The following ASB3 variants were observed in gnomAD, a reference collection of about 807,000 sequenced individuals.
ASB3 encodes ankyrin repeat and SOCS box containing 3, also known as ankyrin repeat and SOCS box protein 3.
A neutral mutation model predicts 54.5 loss-of-function variants in ASB3; 41 were observed. That is an observed-to-expected ratio of 0.75 (90% CI 0.59 to 0.98). The LOEUF (loss-of-function observed/expected upper bound fraction) is 0.98. ASB3 is among the 50% of genes least tolerant of loss of function. ASB3 has a pLI of 0.00. For synonymous variants in ASB3, 266 were observed against 221.2 expected (o/e 1.20, Z -1.80); for missense variants, 733 against 620.0 (o/e 1.18, Z -1.94).
intron 1 of ASB3, among the ~76,000 whole-genome samples, chr2:53,773,747 A>C (rs1674117049): frequency 6.6e-6 from 1 of 151,432 alleles, no homozygotes; most frequent in Non-Finnish European, 1.5e-5. Flanking sequence ...AAAATATACA[A>C]GATACAGGCA....
At chr2:53,759,919 T>C (rs1197278396) in intron 2 of ASB3, among the ~76,000 whole-genome samples, 1 of 152,090 alleles carries the variant, frequency 6.6e-6, no homozygotes, top group East Asian at 1.9e-4. Context: ...TGCTTGATCA[T>C]TGAGGGCCAG....
chr2:53,716,532 G>C, intron 6 of ASB3, 34 bp downstream of exon 6: 1 of 1,595,622 alleles, frequency 6.3e-7, no homozygotes, highest in Non-Finnish European at 8.6e-7. Flanking sequence ...TTTTGATTAA[G>C]AGACCATGTT....
Position 53,670,473 on chromosome 2 carries a change from A to T in ASB3, c.*30T>A, listed in dbSNP as rs1309689748. 2.8e-5 allele frequency: 44 copies of T among 1,595,672 alleles called. No individual in the cohort carries two copies. Among genetic ancestry groups the T allele is most frequent in the Non-Finnish European group, 3.7e-5 (43 of 1,175,248 alleles). ...TGTCTCGATGATTTTTCAGAGAAAA[A>T]AATTAGCTGTGTTAAGTAGTTTCAC... On this transcript the variant is annotated 3_prime_UTR_variant, in exon 10 of 10. Coordinates refer to ENST00000263634, the MANE Select transcript of ASB3 (RefSeq NM_016115.5).
At chr2:53,750,729 C>A in intron 3 of ASB3, 54 bp downstream of exon 3, 1 of 1,419,880 alleles carries the variant, frequency 7.0e-7, no homozygotes, top group Non-Finnish European at 9.3e-7. Context: ...CTTAGTTTAA[C>A]AAAAAAATAA....
intron 1 of ASB3, chr2:53,786,193 CT>C (rs1409909557): frequency 1.3e-5 from 2 of 152,146 alleles, no homozygotes; most frequent in African/African-American, 4.8e-5. Flanking sequence ...AAAAACAAAA[CT>C]TTTTGTCTAA....
At position 53,765,552 on chromosome 2, in the gene ASB3, G is replaced by C; in HGVS notation, c.21C>G (p.Tyr7Ter). 6.2e-7 allele frequency: 1 copy of C among 1,614,144 alleles called. No homozygotes were observed. The highest frequency in any genetic ancestry group is 1.1e-5 in the South Asian group (1 of 91,086). The change falls in exon 2 of 10, where the codon TAC becomes TAG. Residue 7 changes from tyrosine to a stop codon, truncating the protein, a stop_gained. Transcript: ENST00000263634. LOFTEE classifies it high-confidence loss of function. MDFTEA[Y>*]ADTCSTVGLA... Reference sequence around the variant, plus strand: ...GTCCAACTGTAGAGCACGTGTCCGCGTAAGCCTCTGTAAAATCCATTTGTT... The same window carrying C: ...GTCCAACTGTAGAGCACGTGTCCGCCTAAGCCTCTGTAAAATCCATTTGTT...
intron 3 of ASB3, among the ~76,000 whole-genome samples, chr2:53,740,972 T>C (rs1379546912): frequency 6.6e-6 from 1 of 152,224 alleles, no homozygotes; most frequent in Non-Finnish European, 1.5e-5. Context: ...CACCTTCTTC[T>C]AGGGCTATAA....
chr2:53,693,415 C>T (rs1669019627), intron 9 of ASB3, among the ~76,000 whole-genome samples: 1 of 152,006 alleles, frequency 6.6e-6, no homozygotes, highest in East Asian at 1.9e-4. Flanking sequence ...TATACCATAC[C>T]AACAGACTGA....
intron 2 of ASB3, among the ~76,000 whole-genome samples, chr2:53,757,434 G>A (rs528450463): frequency 6.6e-5 from 10 of 152,322 alleles, no homozygotes; most frequent in South Asian, 2.1e-4. Flanking sequence ...TGGCGCAGCC[G>A]AAGTCTCTAC....
intron 1 of ASB3, chr2:53,767,562 A>C: frequency 4.2e-6 from 1 of 235,298 alleles, no homozygotes; most frequent in Non-Finnish European, 8.4e-6. Flanking sequence ...AAATAGCTCC[A>C]AAAAGCATTG....
intron 9 of ASB3, among the ~76,000 whole-genome samples, chr2:53,688,597 T>C (rs1488511704): frequency 6.6e-6 from 1 of 152,192 alleles, no homozygotes; most frequent in Non-Finnish European, 1.5e-5. Context: ...CATCTCTTCT[T>C]ATAATTGAGG....
At chr2:53,685,971 G>A (rs774753744) in intron 9 of ASB3, among the ~76,000 whole-genome samples, 1 of 152,186 alleles carries the variant, frequency 6.6e-6, no homozygotes, top group Non-Finnish European at 1.5e-5. Flanking sequence ...ACTGTCACAT[G>A]GGAACTCCCT....
intron 7 of ASB3, among the ~76,000 whole-genome samples, chr2:53,710,370 G>A (rs1023942764): frequency 2.0e-5 from 3 of 152,088 alleles, no homozygotes; most frequent in Non-Finnish European, 4.4e-5. Context: ...CTACTACTCA[G>A]CTGAGAATTT....
At chr2:53,681,312 G>A (rs900368167) in intron 9 of ASB3, among the ~76,000 whole-genome samples, 2 of 152,178 alleles carry the variant, frequency 1.3e-5, no homozygotes, top group Non-Finnish European at 2.9e-5. Flanking sequence ...CTCCCCTTCT[G>A]TGGGCCGTCT....
At chr2:53,699,558 T>C (rs933561576) in intron 8 of ASB3, among the ~76,000 whole-genome samples, 5 of 152,222 alleles carry the variant, frequency 3.3e-5, no homozygotes, top group African/African-American at 1.2e-4. Flanking sequence ...TGAAGACTTC[T>C]AGATATTTTA....
intron 1 of ASB3, among the ~76,000 whole-genome samples, chr2:53,782,705 GGC>G (rs1470738022): frequency 1.3e-5 from 2 of 152,140 alleles, no homozygotes; most frequent in African/African-American, 4.8e-5. Flanking sequence ...GGAGGAAAGA[GGC>G]AACTCGTTTC....
rs925258035 is a variant in ASB3, at chr2:53,728,928, T to C, written c.469-81A>G. On this transcript the variant is annotated intron_variant, in intron 4 of 9. Transcript: ENST00000263634. ...CTTTCTTCTTACTGTGTTTTTTTTT[T>C]CTTTTTTATCCTCTCACTAAAGGAT... 7 of 1,435,364 alleles carry C rather than the reference T, an allele frequency of 4.9e-6. No homozygotes were observed. In the African/African-American group the frequency reaches 5.7e-5, roughly 12 times the overall value. The allele number at this position is 1,435,364 out of a possible 1,614,324, so 88.9% of individuals were successfully genotyped here.
At chr2:53,687,355 C>T (rs1668684622) in intron 9 of ASB3, among the ~76,000 whole-genome samples, 2 of 152,166 alleles carry the variant, frequency 1.3e-5, no homozygotes, top group East Asian at 3.9e-4. Context: ...ATCTGCTAAA[C>T]TTGTGAAGGT....
At chr2:53,739,716 C>A (rs1388120798) in intron 3 of ASB3, among the ~76,000 whole-genome samples, 3 of 152,062 alleles carry the variant, frequency 2.0e-5, no homozygotes, top group Non-Finnish European at 4.4e-5. Context: ...GGCTCTGTTA[C>A]CCACGATGGA....
Sources: gnomAD v4.1 joint callset for allele counts (sites outside exome capture counted in the v4.1 genomes callset) on GRCh38, gnomAD v4.1.1 for gene constraint, MANE v1.5 for transcripts, NCBI Gene and HGNC (gene_info 2026-07-23, HGNC 2026-07-21) for gene names.